The following RSU1 variants were observed in gnomAD, a reference collection of about 807,000 sequenced individuals.
The protein encoded by RSU1 is Ras suppressor protein 1.
RSU1 carries 26 observed loss-of-function variants against 31.1 expected under a neutral mutation model. The ratio of observed to expected loss-of-function variants is 0.84; its 90% confidence interval spans 0.61 to 1.16. The LOEUF is 1.16. Among genes scored for constraint, RSU1 ranks in the 50% most tolerant of loss-of-function variants. The pLI is 0.00. For missense variants in RSU1, 320 were observed against 339.1 expected, an observed-to-expected ratio of 0.94 and a Z score of 0.44; for synonymous variants, 164 against 136.3, an observed-to-expected ratio of 1.20 and a Z score of -1.41.
intron 7 of RSU1, among the ~76,000 whole-genome samples, chr10:16,746,351 A>G (rs1836854753): frequency 6.6e-6 from 1 of 152,222 alleles, no homozygotes. Context: ...TTTGATGTCT[A>G]TAGCACTTTG....
intron 7 of RSU1, among the ~76,000 whole-genome samples, chr10:16,697,987 C>CTTTTTTTTTTTTTTTTTTTT (rs67816326): frequency 1.0e-5 from 1 of 99,562 alleles, no homozygotes; most frequent in Non-Finnish European, 1.8e-5. Context: ...AGGAACACAC[C>CTTTTTTTTTTTTTTTTTTTT]TTTTTTTTTT....
chr10:16,640,806 C>G (rs1296837948), intron 8 of RSU1, among the ~76,000 whole-genome samples: 1 of 152,236 alleles, frequency 6.6e-6, no homozygotes, highest in Non-Finnish European at 1.5e-5. Flanking sequence ...CAGCCTGATT[C>G]ACCATGCTTT....
In RSU1 at chr10:16,754,875, G is replaced by A. The variant is rs148892655; in HGVS notation, c.396C>T (p.Tyr132=). 2.5e-6 allele frequency: 4 copies of A among 1,586,958 alleles called. No homozygotes were observed. In the South Asian group the frequency reaches 3.3e-5, roughly 13 times the overall value. The part of the protein sequence containing the change: ...SENSLPGNFF[Y]LTTLRALYLS... ...ATAGAATTGAAAGTTTCTTACTCAGGTAGAAGAAGTTTCCAGGAAGAGAAT... is the reference window on the plus strand; with the variant it reads ...ATAGAATTGAAAGTTTCTTACTCAGATAGAAGAAGTTTCCAGGAAGAGAAT... Residue 132 remains tyrosine, a synonymous_variant, in exon 5 of 9, where the codon TAC becomes TAT. Coordinates refer to ENST00000345264, the MANE Select transcript of RSU1 (RefSeq NM_012425.4).
chr10:16,771,475 T>C (rs997497739), intron 3 of RSU1, among the ~76,000 whole-genome samples: 8 of 152,230 alleles, frequency 5.3e-5, no homozygotes, highest in Non-Finnish European at 8.8e-5. Flanking sequence ...AGGTGGTGTC[T>C]AGACTAATTA....
intron 2 of RSU1, among the ~76,000 whole-genome samples, chr10:16,797,963 G>A (rs1838077142): frequency 6.7e-6 from 1 of 149,242 alleles, no homozygotes; most frequent in African/African-American, 2.5e-5. Context: ...TCGGGTTCAA[G>A]GGATTCTCCT....
intron 7 of RSU1, among the ~76,000 whole-genome samples, chr10:16,736,379 C>T (rs1420341236): frequency 3.9e-5 from 6 of 152,066 alleles, no homozygotes; most frequent in South Asian, 2.1e-4. Flanking sequence ...CAGAGAGTAA[C>T]GATGTTACTA....
chr10:16,672,466 A>C (rs1267501617), intron 8 of RSU1, among the ~76,000 whole-genome samples: 1 of 152,230 alleles, frequency 6.6e-6, no homozygotes. Flanking sequence ...AATAAGCCTA[A>C]CGTCCACCAG....
At chr10:16,694,768 G>A (rs11254152) in intron 8 of RSU1, among the ~76,000 whole-genome samples, 2 of 151,240 alleles carry the variant, frequency 1.3e-5, no homozygotes, top group Non-Finnish European at 3.0e-5. Flanking sequence ...GTAGAGACGG[G>A]GTCTTGCTAT....
At chr10:16,693,189 G>A (rs1835599213) in intron 8 of RSU1, among the ~76,000 whole-genome samples, 2 of 152,196 alleles carry the variant, frequency 1.3e-5, no homozygotes, top group Admixed American at 1.3e-4. Context: ...CTGACCTCAA[G>A]TGATCCACCC....
intron 8 of RSU1, among the ~76,000 whole-genome samples, chr10:16,659,609 TAC>T: frequency 6.6e-6 from 1 of 152,206 alleles, no homozygotes; most frequent in Admixed American, 6.5e-5. Context: ...TGTCTGTAAC[TAC>T]ACTGGCACCC....
intron 2 of RSU1, among the ~76,000 whole-genome samples, chr10:16,804,594 C>A (rs1338979120): frequency 6.6e-6 from 1 of 152,174 alleles, no homozygotes; most frequent in Non-Finnish European, 1.5e-5. Context: ...AATGGATAAC[C>A]AAACTGTGGT....
At chr10:16,673,624 G>T (rs1260442175) in intron 8 of RSU1, among the ~76,000 whole-genome samples, 3 of 152,192 alleles carry the variant, frequency 2.0e-5, no homozygotes, top group African/African-American at 7.2e-5. Flanking sequence ...ACTGGCGCTG[G>T]ATGTCCCTGT....
intron 2 of RSU1, among the ~76,000 whole-genome samples, chr10:16,815,736 G>A (rs1006909205): frequency 1.3e-5 from 2 of 152,144 alleles, no homozygotes; most frequent in African/African-American, 4.8e-5. Context: ...CAATACACAC[G>A]ACCACCTTCA....
chr10:16,764,233 T>C (rs749750552), intron 4 of RSU1, among the ~76,000 whole-genome samples, 157 bp downstream of exon 4: 7 of 152,168 alleles, frequency 4.6e-5, no homozygotes, highest in African/African-American at 1.4e-4. Context: ...TGAAAGAATA[T>C]ATTAAAACAA....
At chr10:16,781,202 T>G (rs964203629) in intron 3 of RSU1, among the ~76,000 whole-genome samples, 1 of 152,104 alleles carries the variant, frequency 6.6e-6, no homozygotes, top group Admixed American at 6.6e-5. Context: ...TCATTAGGAA[T>G]GGGAAAGGAG....
intron 7 of RSU1, chr10:16,727,116 G>C: frequency 2.2e-6 from 1 of 456,618 alleles, no homozygotes; most frequent in South Asian, 1.5e-5. Context: ...TTTTTGCCAA[G>C]ATGCCTACCA....
intron 7 of RSU1, among the ~76,000 whole-genome samples, chr10:16,714,767 G>A (rs1376634539): frequency 1.3e-5 from 2 of 152,126 alleles, no homozygotes; most frequent in African/African-American, 2.4e-5. Context: ...ATTGCTACTG[G>A]TGCGCAGGGC....
intron 2 of RSU1, among the ~76,000 whole-genome samples, chr10:16,805,095 GGAGGCT>G (rs1330021964): frequency 6.6e-6 from 1 of 152,086 alleles, no homozygotes; most frequent in Non-Finnish European, 1.5e-5. Flanking sequence ...CAGCTACTCG[GGAGGCT>G]GAGGCTGAGG....
chr10:16,788,683 A>T (rs747162740), intron 2 of RSU1, among the ~76,000 whole-genome samples: 33 of 152,240 alleles, frequency 2.2e-4, no homozygotes, highest in Non-Finnish European at 4.8e-4. Context: ...ATCCAAGACG[A>T]CAGCCTGAGC....
Sources: allele counts gnomAD v4.1 joint callset (sites outside exome capture counted in the v4.1 genomes callset), GRCh38; gene constraint gnomAD v4.1.1; transcripts MANE v1.5; gene names NCBI Gene and HGNC (gene_info 2026-07-23, HGNC 2026-07-21).